Variants in IDUA observed in about 807,000 individuals in gnomAD.
IDUA encodes iduronidase alpha-L-.
In IDUA, 65 loss-of-function variants were observed where a neutral mutation model predicts 68.9. The observed-to-expected ratio is 0.94, with a 90% CI of 0.77 to 1.16. The LOEUF is 1.16. Ranked by LOEUF, IDUA falls within the 50% of genes most tolerant of loss-of-function variation. The probability of loss-of-function intolerance (pLI) is 0.00; values close to 1 mark genes in which losing one functional copy is unlikely to be tolerated. For missense variants in IDUA, 1,046 were observed against 938.0 expected, an observed-to-expected ratio of 1.12 and a Z score of -1.50; for synonymous variants, 529 against 433.6, an observed-to-expected ratio of 1.22 and a Z score of -2.73.
In IDUA at chr4:991,452, C is replaced by T. The variant is rs1577520482; in HGVS notation, c.299+3503C>T. 3.1e-6 allele frequency: 5 copies of T among 1,612,762 alleles called. No individual in the cohort carries two copies. The East Asian group carries it at 1.1e-4, about 36-fold the overall frequency. ...GCAATGAGTAGGCGATGGCCTGCGG[C>T]ACCAGGATGATGCCGATGACCAGCC... On this transcript the variant is annotated intron_variant, in intron 2 of 13. Transcript: ENST00000514224.
intron 1 of IDUA, 135 bp downstream of exon 1, chr4:987,377 G>C: frequency 1.1e-6 from 1 of 947,936 alleles, no homozygotes. Flanking sequence ...CCCGCCCCCC[G>C]CCGTGTTTGT....
chr4:990,175 C>T, intron 2 of IDUA: 1 of 1,560,448 alleles, frequency 6.4e-7, no homozygotes. Context: ...CTGCCCGGCG[C>T]CGCGCAGCAG....
At chr4:992,467 C>A (rs1714441334) in intron 2 of IDUA, among the ~76,000 whole-genome samples, 1 of 152,252 alleles carries the variant, frequency 6.6e-6, no homozygotes, top group Non-Finnish European at 1.5e-5. Flanking sequence ...CCTAGCCCAT[C>A]CGCCTGGACT....
intron 2 of IDUA, chr4:992,063 G>A: frequency 7.3e-6 from 4 of 548,856 alleles, no homozygotes; most frequent in Non-Finnish European, 1.0e-5. Flanking sequence ...GCGGTTCCTG[G>A]CTGAAAACCA....
intron 2 of IDUA, chr4:989,583 C>A (rs1714066207): frequency 1.3e-6 from 2 of 1,597,876 alleles, no homozygotes; most frequent in African/African-American, 2.7e-5. Context: ...TGCGCAGGGC[C>A]CCCCGCAGGC....
At position 1,002,865 on chromosome 4, in the gene IDUA, C is replaced by T. The variant is rs1463087550; in HGVS notation, c.1323C>T (p.Tyr441=). The change falls in exon 9 of 14, where the codon TAC becomes TAT. Residue 441 remains tyrosine (Y), a synonymous_variant. Coordinates refer to ENST00000514224, the MANE Select transcript of IDUA (RefSeq NM_000203.5). ...CCTGGCGCGCCGCGGTGCTGATCTA[C>T]GCGAGCGACGACACCCGCGCCCACC... ...ADAWRAAVLI[Y]ASDDTRAHPN... The T allele has an allele frequency of 7.6e-6, 11 of 1,446,232 alleles. No individual in the cohort carries two copies. The highest frequency in any genetic ancestry group is 4.1e-5 in the South Asian group (3 of 73,380). The allele number at this position is 1,446,232 out of a possible 1,614,324, so 89.6% of individuals were successfully genotyped here. A position where few individuals can be genotyped will look rare whatever the true frequency, so the allele number is the denominator to read the frequency against.
intron 12 of IDUA, 146 bp from the exon 13 acceptor site, chr4:1,003,866 G>A: frequency 1.2e-6 from 1 of 849,464 alleles, no homozygotes; most frequent in Non-Finnish European, 2.0e-6. Flanking sequence ...TCTCCTGCCT[G>A]GGCAGGAAGA....
Position 989,633 on chromosome 4 carries a change from C to T in IDUA, c.299+1684C>T, listed in dbSNP as rs779417668. 38 of 1,597,358 alleles carry T rather than the reference C, an allele frequency of 2.4e-5. No homozygotes were observed. The East Asian group carries it at 6.1e-4, about 26-fold the overall frequency. ...CAGGCCAGCACGCTTCGCTGTAGGT[C>T]GTGGAACAGCGGTGCCAGCGCCAGC... On this transcript the variant is annotated intron_variant, in intron 2 of 13. Transcript: ENST00000514224.
intron 8 of IDUA, 70 bp downstream of exon 8, chr4:1,002,555 C>G (rs895901283): frequency 1.8e-5 from 24 of 1,349,764 alleles, no homozygotes; most frequent in South Asian, 1.6e-5. Flanking sequence ...GCGAAGGCCC[C>G]GCTGCGGGGA....
At position 1,002,016 on chromosome 4, in the gene IDUA, A is replaced by G. The variant is rs1323924285; in HGVS notation, c.827A>G (p.Glu276Gly). The change falls in exon 7 of 14, where the codon GAG becomes GGG. Residue 276 changes from glutamate (E) to glycine (G), a missense_variant. By Grantham distance (98) the Glu-to-Gly change is moderately conservative. Transcript: ENST00000514224. ...ARSSISILEQ[E>G]KVVAQQIRQL... is the part of the protein sequence containing the mutation. Reference sequence around the variant, plus strand: ...AGCTCCATCTCCATCCTGGAGCAGGAGAAGGTCGTCGCGCAGCAGATCCGG... The same window carrying G: ...AGCTCCATCTCCATCCTGGAGCAGGGGAAGGTCGTCGCGCAGCAGATCCGG... 1 of 1,596,878 alleles carries G rather than the reference A, an allele frequency of 6.3e-7. No individual in the cohort carries two copies.
At chr4:997,525 AGCCGCGGCCGCGCG>A (rs1425716551) in intron 2 of IDUA, among the ~76,000 whole-genome samples, 4 of 150,390 alleles carry the variant, frequency 2.7e-5, no homozygotes, top group South Asian at 2.1e-4. Flanking sequence ...GCGGCCGCTC[AGCCGCGGCCGCGCG>A]GTGAATGAGC....
chr4:987,877 A>C lies in IDUA; in HGVS notation c.227A>C (p.Tyr76Ser). The C allele has an allele frequency of 6.2e-7, 1 of 1,611,888 alleles. No homozygotes were observed. Residue 76 changes from tyrosine (Y) to serine (S), a missense_variant, in exon 2 of 14, where the codon TAT becomes TCT. Coordinates refer to ENST00000514224, the MANE Select transcript of IDUA (RefSeq NM_000203.5). ...TGGGACCAGCAGCTCAACCTCGCCTATGTGGGCGCCGTCCCTCACCGCGGC... is the reference window on the plus strand; with the variant it reads ...TGGGACCAGCAGCTCAACCTCGCCTCTGTGGGCGCCGTCCCTCACCGCGGC... ...LSWDQQLNLA[Y>S]VGAVPHRGIK...
Position 1,002,770 on chromosome 4 carries a change from AC to A in IDUA, c.1230del (p.Val411SerfsTer29), listed in dbSNP as rs1715179599. ...QLWAEVSQAG[T>X]VLDSNHTVGV... ...CTGGGCCGAAGTGTCGCAGGCCGGG[AC>A]CGTCCTGGACAGCAACCACACGGTG... On this transcript the variant is annotated frameshift_variant, in exon 9 of 14. Coordinates refer to ENST00000514224, the MANE Select transcript of IDUA (RefSeq NM_000203.5). LOFTEE classifies it high-confidence loss of function. 2 of 1,467,334 alleles carry A rather than the reference AC, an allele frequency of 1.4e-6. No homozygotes were observed. Among genetic ancestry groups the A allele is most frequent in the African/African-American group, 3.0e-5 (2 of 66,902 alleles). The allele number at this position is 1,467,334 out of a possible 1,614,324, so 90.9% of individuals were successfully genotyped here.
chr4:989,196 C>T (rs771825743), intron 2 of IDUA: 1 of 1,607,708 alleles, frequency 6.2e-7, no homozygotes, highest in Non-Finnish European at 8.5e-7. Context: ...CCTCACCGAC[C>T]CCCGTCTCTG....
chr4:1,003,677 G>A, intron 12 of IDUA, 52 bp downstream of exon 12: 1 of 1,597,148 alleles, frequency 6.3e-7, no homozygotes, highest in Non-Finnish European at 8.6e-7. Context: ...CAGGTCCCTG[G>A]GTCCCGACCC....
rs1553917566 is a variant in IDUA at position 1,003,421 on chromosome 4, CG to C, written c.1602del (p.Leu535PhefsTer25). 3.9e-6 allele frequency: 6 copies of C among 1,530,266 alleles called. No homozygotes were observed. Among genetic ancestry groups the C allele is most frequent in the Non-Finnish European group, 5.2e-6 (6 of 1,145,144 alleles). 94.8% of individuals were successfully genotyped at this position (1,530,266 alleles called of 1,614,324 possible). On this transcript the variant is annotated frameshift_variant, in exon 11 of 14. Transcript: ENST00000514224. LOFTEE classifies it high-confidence loss of function. ...CTGCGCCCCGCGCTGCGGCTGCCGT[CG>C]CTTTTGCTGGTGCACGTGTGTGCGC... ...LTLRPALRLP[S>X]LLLVHVCARP...
Position 1,001,666 on chromosome 4 carries a change from T to TCCCC in IDUA, c.590-11_590-8dup. 2 of 1,603,154 alleles carry TCCCC rather than the reference T, an allele frequency of 1.2e-6. No individual in the cohort carries two copies. The highest frequency in any genetic ancestry group is 1.7e-6 in the Non-Finnish European group (2 of 1,178,924). On this transcript the variant is annotated splice_polypyrimidine_tract_variant and intron_variant, in intron 5 of 13. Coordinates refer to ENST00000514224, the MANE Select transcript of IDUA (RefSeq NM_000203.5). ...CCCAGGGCAGGTGTAGACGCAGTGC[T>TCCCC]CCCCCGGCCCAGGCTTCCTGAACTA...
chr4:990,943 C>T (rs1027063696), intron 2 of IDUA: 16 of 609,408 alleles, frequency 2.6e-5, no homozygotes, highest in Non-Finnish European at 3.0e-5. Flanking sequence ...CATCCACAGC[C>T]TCTCCGCGTC....
Position 1,004,168 on chromosome 4 carries a change from C to T in IDUA, c.1828+56C>T. The stretch of plus-strand genomic sequence containing the variant: ...GCCACCCCATTCTTGGGCCTCAGGG[C>T]AGTACTGGGTGGGGGCCTCGAGAAG... On this transcript the variant is annotated intron_variant, in intron 13 of 13. Transcript: ENST00000514224. The surrounding 1 kb of genome is among the most constrained non-coding windows in gnomAD (Gnocchi z 5.0). 1.2e-6 allele frequency: 2 copies of T among 1,611,196 alleles called. No individual in the cohort carries two copies. The highest frequency in any genetic ancestry group is 1.7e-6 in the Non-Finnish European group (2 of 1,178,712).
Sources: gnomAD v4.1 joint callset for allele counts (sites outside exome capture counted in the v4.1 genomes callset) on GRCh38, gnomAD v4.1.1 for gene constraint, Gnocchi (gnomAD v3.1) non-coding constraint, MANE v1.5 for transcripts, NCBI Gene and HGNC (gene_info 2026-07-23, HGNC 2026-07-21) for gene names.